Variants in DNAJA3 observed in about 807,000 individuals in gnomAD.
DNAJA3 encodes the protein dnaJ homolog subfamily A member 3, mitochondrial.
In DNAJA3, 29 loss-of-function variants were observed where a neutral mutation model predicts 54.9. The ratio of observed to expected loss-of-function variants is 0.53; its 90% CI spans 0.39 to 0.72. The LOEUF (loss-of-function observed/expected upper bound fraction) is 0.72. Ranked by LOEUF, DNAJA3 falls within the 30% of genes least tolerant of loss-of-function variation. The probability of loss-of-function intolerance (pLI) is 0.00; values close to 1 mark genes in which losing one functional copy is unlikely to be tolerated. For missense variants in DNAJA3, 708 were observed against 639.4 expected, an observed-to-expected ratio of 1.11 and a Z score of -1.16; for synonymous variants, 302 against 251.4, an observed-to-expected ratio of 1.20 and a Z score of -1.90.
At chr16:4,444,335 TTTTTC>T (rs1210923010) in intron 6 of DNAJA3, among the ~76,000 whole-genome samples, 1 of 151,474 alleles carries the variant, frequency 6.6e-6, no homozygotes, top group Non-Finnish European at 1.5e-5. Context: ...CTTTTTTTTC[TTTTTC>T]TTTTCTTTTT....
intron 2 of DNAJA3, among the ~76,000 whole-genome samples, chr16:4,435,268 G>C (rs1224307451): frequency 6.6e-6 from 1 of 151,936 alleles, no homozygotes; most frequent in Non-Finnish European, 1.5e-5. Flanking sequence ...TAGGGTAGCT[G>C]AGTAAAGTTG....
At chr16:4,454,437 T>G (rs2057012391) in intron 10 of DNAJA3, among the ~76,000 whole-genome samples, 1 of 152,210 alleles carries the variant, frequency 6.6e-6, no homozygotes, top group Non-Finnish European at 1.5e-5. Context: ...TTTTTTCATC[T>G]GTGAAATTTG....
chr16:4,436,596 T>C (rs1308032983), intron 2 of DNAJA3, among the ~76,000 whole-genome samples: 3 of 151,848 alleles, frequency 2.0e-5, no homozygotes, highest in Admixed American at 6.6e-5. Context: ...AGTGCAGTGG[T>C]GCAGTCTTGG....
intron 3 of DNAJA3, chr16:4,440,839 G>C (rs138466058): frequency 1.3e-5 from 2 of 155,204 alleles, no homozygotes; most frequent in Admixed American, 1.2e-4. Context: ...AGGACTGGTG[G>C]TGTGCACCTG....
At chr16:4,442,449 C>A in intron 5 of DNAJA3, 29 bp downstream of exon 5, 1 of 1,549,256 alleles carries the variant, frequency 6.5e-7, no homozygotes, top group South Asian at 1.2e-5. Flanking sequence ...CTCCACCTCC[C>A]ACGGCTTGCA....
At chr16:4,452,179 T>C (rs924569088) in intron 10 of DNAJA3, among the ~76,000 whole-genome samples, 2 of 152,222 alleles carry the variant, frequency 1.3e-5, no homozygotes, top group Non-Finnish European at 2.9e-5. Context: ...ATGTATACTA[T>C]CTTTTGTTCT....
chr16:4,430,348 G>A (rs1018316121), intron 1 of DNAJA3, among the ~76,000 whole-genome samples: 3 of 151,768 alleles, frequency 2.0e-5, no homozygotes, highest in African/African-American at 7.3e-5. Context: ...GATCGCCTGA[G>A]GTCAGGAGTT....
chr16:4,450,278 G>A (rs2056961249), intron 9 of DNAJA3, 122 bp from the exon 10 acceptor site: 1 of 705,392 alleles, frequency 1.4e-6, no homozygotes, highest in African/African-American at 1.8e-5. Context: ...GGCTCAGGGT[G>A]TCCGCCCCTG....
chr16:4,434,656 G>A, intron 2 of DNAJA3, 139 bp downstream of exon 2: 2 of 1,091,386 alleles, frequency 1.8e-6, no homozygotes, highest in Non-Finnish European at 2.6e-6. Context: ...TGATAAAGCT[G>A]GACTTTGCTA....
At chr16:4,442,169 C>G (rs931610012) in intron 4 of DNAJA3, 99 bp from the exon 5 acceptor site, 1 of 1,287,380 alleles carries the variant, frequency 7.8e-7, no homozygotes, top group East Asian at 2.6e-5. Context: ...GAAAGAGTGA[C>G]TGAAAATGTG....
chr16:4,450,550 G>A lies in DNAJA3; in HGVS notation c.1339+53G>A, dbSNP rs2056965845. ...CACGTGGGGGCCTCAGAGCCCCCCA[G>A]GGTATGGACAATTCAGGGCAGCATG... On this transcript the variant is annotated intron_variant, in intron 10 of 11. Transcript: ENST00000262375. 4.4e-6 allele frequency: 6 copies of A among 1,365,760 alleles called. 1 individual carries two copies. The highest frequency in any genetic ancestry group is 2.5e-5 in the East Asian group (1 of 39,962). 84.6% of individuals were successfully genotyped at this position (1,365,760 alleles called of 1,614,324 possible).
chr16:4,437,501 T>C lies in DNAJA3; in HGVS notation c.429+16T>C, dbSNP rs1391921444. On this transcript the variant is annotated intron_variant, in intron 3 of 11. Coordinates refer to ENST00000262375, the MANE Select transcript of DNAJA3 (RefSeq NM_005147.6). ...AGCCTATGAGGTAATATGACTTCGG[T>C]GCATGCGGTCACTGCTGTTCAGCTA... The C allele has an allele frequency of 1.2e-6, 2 of 1,607,444 alleles. No individual in the cohort carries two copies. Among genetic ancestry groups the C allele is most frequent in the Non-Finnish European group, 8.5e-7 (1 of 1,174,272 alleles).
chr16:4,426,221 G>A, intron 1 of DNAJA3, 129 bp downstream of exon 1: 1 of 1,080,102 alleles, frequency 9.3e-7, no homozygotes, highest in Non-Finnish European at 1.2e-6. Flanking sequence ...ACAATTGCCG[G>A]AGACACAGAC....
Position 4,438,740 on chromosome 16 carries a change from T to C in DNAJA3, c.429+1255T>C, listed in dbSNP as rs1402336094. ...GATCCTCCTGCCTCAGCCTCTCAAA[T>C]TGCTAGGATTATAGGTGCAAGGCAC... is the stretch of plus-strand genomic sequence containing the variant. On this transcript the variant is annotated intron_variant, in intron 3 of 11. Coordinates refer to ENST00000262375, the MANE Select transcript of DNAJA3 (RefSeq NM_005147.6). Among the ~76,000 whole-genome samples, 3 of 146,470 alleles carry C rather than the reference T, an allele frequency of 2.0e-5. No homozygotes were observed. The East Asian group carries it at 6.3e-4, about 31-fold the overall frequency.
chr16:4,446,634 C>G (rs2056905092), intron 7 of DNAJA3, among the ~76,000 whole-genome samples: 1 of 152,082 alleles, frequency 6.6e-6, no homozygotes, highest in African/African-American at 2.4e-5. Flanking sequence ...CTGAGGAAAT[C>G]CAGGCACGCT....
At chr16:4,443,975 C>T (rs998916407) in intron 6 of DNAJA3, among the ~76,000 whole-genome samples, 4 of 152,202 alleles carry the variant, frequency 2.6e-5, no homozygotes, top group African/African-American at 7.2e-5. Flanking sequence ...CATGAGCCAC[C>T]GCGCGTGGCC....
At chr16:4,428,583 C>G (rs2056652573) in intron 1 of DNAJA3, among the ~76,000 whole-genome samples, 1 of 152,200 alleles carries the variant, frequency 6.6e-6, no homozygotes, top group African/African-American at 2.4e-5. Context: ...GAGAAACAGG[C>G]ACTAAACACT....
chr16:4,435,848 G>A (rs1353547969), intron 2 of DNAJA3, among the ~76,000 whole-genome samples: 1 of 152,218 alleles, frequency 6.6e-6, no homozygotes, highest in African/African-American at 2.4e-5. Context: ...TAGGAGTATA[G>A]TTGCTGAGTC....
At chr16:4,428,972 T>C (rs2056658608) in intron 1 of DNAJA3, among the ~76,000 whole-genome samples, 1 of 141,690 alleles carries the variant, frequency 7.1e-6, no homozygotes, top group Non-Finnish European at 1.5e-5. Context: ...CACTGCAAAC[T>C]CCGCCTCCCG....
Sources: allele counts gnomAD v4.1 joint callset (sites outside exome capture counted in the v4.1 genomes callset), GRCh38; gene constraint gnomAD v4.1.1; transcripts MANE v1.5; gene names NCBI Gene and HGNC (gene_info 2026-07-23, HGNC 2026-07-21).